GLIS1: variants seen among roughly 807,000 people sequenced by gnomAD.
GLIS1 encodes the protein GLIS family zinc finger 1.
In GLIS1, 24 loss-of-function variants were observed where a neutral mutation model predicts 63.8. That is an observed-to-expected ratio of 0.38 (90% CI 0.27 to 0.53). The LOEUF (loss-of-function observed/expected upper bound fraction) is 0.53, where lower values mean the gene tolerates loss of function less well. Among genes scored for constraint, GLIS1 ranks in the 20% least tolerant of loss-of-function variants. GLIS1 has a pLI of 0.85. For synonymous variants in GLIS1, 450 were observed against 482.5 expected, an observed-to-expected ratio of 0.93 and a Z score of 0.88; for missense variants, 1,036 against 1,074.1, an observed-to-expected ratio of 0.96 and a Z score of 0.50.
At chr1:53,718,759 C>T (rs1646724143) in intron 2 of GLIS1, among the ~76,000 whole-genome samples, 1 of 152,180 alleles carries the variant, frequency 6.6e-6, no homozygotes, top group Admixed American at 6.5e-5. Context: ...CGGATCATTC[C>T]TAGATCATAA....
At chr1:53,610,654 T>C (rs926156899) in intron 2 of GLIS1, among the ~76,000 whole-genome samples, 1 of 152,204 alleles carries the variant, frequency 6.6e-6, no homozygotes, top group African/African-American at 2.4e-5. Flanking sequence ...TAGGTGTGCT[T>C]CTCTTTGTAT....
At chr1:53,632,021 TGAGACCGGGG>T (rs1391197527) in intron 2 of GLIS1, among the ~76,000 whole-genome samples, 2 of 150,412 alleles carry the variant, frequency 1.3e-5, no homozygotes, top group Non-Finnish European at 1.5e-5. Flanking sequence ...TGAGTGTGAC[TGAGACCGGGG>T]GAGTAAGAGA....
Position 53,714,689 on chromosome 1 carries a change from G to A in GLIS1, c.259+23117C>T, listed in dbSNP as rs143320311. Among the ~76,000 whole-genome samples, 86 of 152,330 alleles carry A rather than the reference G, an allele frequency of 5.6e-4. No homozygotes were observed. The East Asian group carries it at 0.014, about 25-fold the overall frequency. ...CCAAGCCTCTTTAGAGGCTGTGCCA[G>A]GCCCTGTACTGAGATGAGATGAATT... On this transcript the variant is annotated intron_variant, in intron 2 of 10. Transcript: ENST00000628545.
chr1:53,733,517 T>C (rs1646884633), intron 2 of GLIS1, among the ~76,000 whole-genome samples: 1 of 152,216 alleles, frequency 6.6e-6, no homozygotes, highest in Admixed American at 6.5e-5. Flanking sequence ...CCTTGCCATT[T>C]TGCCCACAGA....
intron 4 of GLIS1, among the ~76,000 whole-genome samples, chr1:53,535,280 TG>T (rs1644570974): frequency 6.6e-6 from 1 of 152,082 alleles, no homozygotes; most frequent in Non-Finnish European, 1.5e-5. Flanking sequence ...TGAGGGACTC[TG>T]GTGCGACTTC....
intron 2 of GLIS1, among the ~76,000 whole-genome samples, chr1:53,714,107 TTTG>T (rs1462462854): frequency 2.0e-5 from 3 of 152,224 alleles, no homozygotes; most frequent in African/African-American, 7.2e-5. Context: ...GCAATGGGGT[TTTG>T]TTGTTAGAAA....
At chr1:53,643,801 C>T (rs1557498488) in intron 2 of GLIS1, among the ~76,000 whole-genome samples, 2 of 152,174 alleles carry the variant, frequency 1.3e-5, no homozygotes, top group Non-Finnish European at 2.9e-5. Flanking sequence ...CTTCAGCCAT[C>T]GGGGGCTGAC....
intron 4 of GLIS1, among the ~76,000 whole-genome samples, chr1:53,578,661 C>T (rs781330917): frequency 1.3e-5 from 2 of 152,262 alleles, no homozygotes; most frequent in Non-Finnish European, 2.9e-5. Flanking sequence ...GGAAAATATA[C>T]GATTCAATCA....
intron 2 of GLIS1, among the ~76,000 whole-genome samples, chr1:53,612,938 C>T (rs1411145131): frequency 1.3e-5 from 2 of 151,994 alleles, no homozygotes; most frequent in African/African-American, 4.8e-5. Flanking sequence ...CCTGCCTCAG[C>T]CTCCCGAGTA....
At chr1:53,665,361 G>A (rs1404132947) in intron 2 of GLIS1, among the ~76,000 whole-genome samples, 1 of 152,104 alleles carries the variant, frequency 6.6e-6, no homozygotes, top group African/African-American at 2.4e-5. Flanking sequence ...GTGTTAAGTT[G>A]GAGATCTTTT....
intron 2 of GLIS1, among the ~76,000 whole-genome samples, chr1:53,650,507 T>C (rs746478986): frequency 1.3e-4 from 20 of 151,134 alleles, no homozygotes; most frequent in Non-Finnish European, 2.5e-4. Context: ...GGAGAATTGC[T>C]TGAACCTGGG....
At chr1:53,517,527 C>T (rs1337143982) in intron 7 of GLIS1, among the ~76,000 whole-genome samples, 1 of 152,178 alleles carries the variant, frequency 6.6e-6, no homozygotes, top group Non-Finnish European at 1.5e-5. Flanking sequence ...GAATCCTGAT[C>T]AATCCTGCAC....
chr1:53,608,526 A>G (rs1645394599), intron 2 of GLIS1, among the ~76,000 whole-genome samples: 1 of 152,194 alleles, frequency 6.6e-6, no homozygotes, highest in Non-Finnish European at 1.5e-5. Context: ...AGCATCACAG[A>G]TAAGAGTATA....
chr1:53,528,134 G>GGGTGCCAC (rs1644491028), intron 5 of GLIS1, among the ~76,000 whole-genome samples: 1 of 152,224 alleles, frequency 6.6e-6, no homozygotes, highest in South Asian at 2.1e-4. Context: ...ACCTGGGCCA[G>GGGTGCCAC]GGTGCCACGG....
chr1:53,510,119 G>A (rs1321440801), intron 8 of GLIS1, 92 bp from the exon 9 acceptor site: 10 of 636,376 alleles, frequency 1.6e-5, no homozygotes, highest in South Asian at 8.2e-5. Flanking sequence ...CTCCAGCGAC[G>A]GGGAGCCCAC....
chr1:53,522,347 G>C (rs1417348239), intron 6 of GLIS1, among the ~76,000 whole-genome samples: 1 of 152,172 alleles, frequency 6.6e-6, no homozygotes, highest in South Asian at 2.1e-4. Context: ...CCAAGTCCCC[G>C]GGGGCTCAGT....
At chr1:53,675,054 G>A (rs1057304206) in intron 2 of GLIS1, among the ~76,000 whole-genome samples, 23 of 152,224 alleles carry the variant, frequency 1.5e-4, no homozygotes, top group Non-Finnish European at 4.4e-5. Context: ...CTCACTTCCA[G>A]CCAGGAGACT....
chr1:53,737,919 C>A lies in GLIS1; in HGVS notation c.146G>T (p.Gly49Val), dbSNP rs908742117. 6.5e-6 allele frequency: 8 copies of A among 1,230,000 alleles called. No homozygotes were observed. In the African/African-American group the frequency reaches 9.3e-5, roughly 14 times the overall value. The allele number at this position is 1,230,000 out of a possible 1,614,324, so 76.2% of individuals were successfully genotyped here. ...TVSGGGCGDR[G>V]PRDLLARPPA... ...CGGCCGGGCTAGCAGGTCCCGCGGG[C>A]CCCTGTCCCCGCAGCCGCCGCCACT... The change falls in exon 2 of 11, where the codon GGC becomes GTC. Residue 49 changes from glycine to valine, a missense_variant. Physicochemically the swap from Gly to Val is moderately radical, Grantham distance 109. Transcript: ENST00000628545.
At position 53,594,513 on chromosome 1, in the gene GLIS1, A is replaced by G. The variant is rs199602077; in HGVS notation, c.915T>C (p.His305=). 1.7e-5 allele frequency: 28 copies of G among 1,612,676 alleles called. No homozygotes were observed. The African/African-American group carries it at 3.1e-4, about 18-fold the overall frequency. The change falls in exon 4 of 11, where the codon CAT becomes CAC. Residue 305 remains histidine (H), a synonymous_variant. Transcript: ENST00000628545. ...AGGCTTCAAGTTGCAAGCTGCCCTC[A>G]TGGCTGTCCGTCGATGCAGGGCCAG... is the stretch of plus-strand genomic sequence containing the variant. The part of the protein sequence containing the change: ...ARPGPASTDS[H]EGSLQLEACR...
Sources: gnomAD v4.1 joint callset for allele counts (sites outside exome capture counted in the v4.1 genomes callset) on GRCh38, gnomAD v4.1.1 for gene constraint, MANE v1.5 for transcripts, NCBI Gene and HGNC (gene_info 2026-07-23, HGNC 2026-07-21) for gene names.